The following CLSTN2 variants were observed in gnomAD, a reference collection of about 807,000 sequenced individuals.
The protein encoded by CLSTN2 is calsyntenin 2, also known as calsyntenin-2.
CLSTN2 carries 48 observed loss-of-function variants against 101.2 expected under a neutral mutation model. That is an observed-to-expected ratio of 0.47 (90% CI 0.38 to 0.60). The LOEUF (loss-of-function observed/expected upper bound fraction) is 0.60. CLSTN2 is among the 20% of genes least tolerant of loss of function. The pLI is 0.00. For missense variants in CLSTN2, 1,160 were observed against 1,238.2 expected, an observed-to-expected ratio of 0.94 and a Z score of 0.95; for synonymous variants, 481 against 463.6, an observed-to-expected ratio of 1.04 and a Z score of -0.48.
At chr3:140,422,789 TTC>T (rs1398307435) in intron 5 of CLSTN2, among the ~76,000 whole-genome samples, 1 of 152,188 alleles carries the variant, frequency 6.6e-6, no homozygotes, top group African/African-American at 2.4e-5. Flanking sequence ...GCAGACAGAA[TTC>T]TGTCTTGTTC....
At chr3:140,344,352 G>C (rs949840275) in intron 2 of CLSTN2, among the ~76,000 whole-genome samples, 1 of 152,214 alleles carries the variant, frequency 6.6e-6, no homozygotes, top group Admixed American at 6.5e-5. Context: ...CATTAAGCCT[G>C]TGCTCACGTC....
chr3:140,225,179 C>T (rs560576256), intron 2 of CLSTN2, among the ~76,000 whole-genome samples: 35 of 152,332 alleles, frequency 2.3e-4, no homozygotes, highest in African/African-American at 8.2e-4. Flanking sequence ...ACCCTTCCCC[C>T]ACCTGCTGCT....
chr3:140,432,201 C>T (rs1371933443), intron 5 of CLSTN2, among the ~76,000 whole-genome samples: 1 of 151,696 alleles, frequency 6.6e-6, no homozygotes, highest in East Asian at 2.0e-4. Context: ...CTCAGCTATG[C>T]CATAGCTCAC....
chr3:140,296,600 TTTGTAAGAATTCTTTATAAATTAA>T (rs1345529508), intron 2 of CLSTN2, among the ~76,000 whole-genome samples: 1 of 152,230 alleles, frequency 6.6e-6, no homozygotes, highest in African/African-American at 2.4e-5. Context: ...TTCTTACTGA[TTTGTAAGAATTCTTTATAAATTAA>T]TGATTCTGCC....
intron 1 of CLSTN2, among the ~76,000 whole-genome samples, chr3:139,973,183 G>A (rs1178068263): frequency 6.6e-6 from 1 of 152,202 alleles, no homozygotes; most frequent in East Asian, 1.9e-4. Flanking sequence ...GCTCTGGCAG[G>A]AGCGTGATCT....
chr3:140,310,212 A>G (rs1424389150), intron 2 of CLSTN2, among the ~76,000 whole-genome samples: 1 of 152,078 alleles, frequency 6.6e-6, no homozygotes, highest in East Asian at 1.9e-4. Flanking sequence ...ATTTTTATAA[A>G]CCATAAACCT....
intron 2 of CLSTN2, among the ~76,000 whole-genome samples, chr3:140,179,295 C>CT (rs1409577546): frequency 6.6e-6 from 1 of 150,922 alleles, no homozygotes; most frequent in Non-Finnish European, 1.5e-5. Context: ...AGTATATTTC[C>CT]TTCTTGTCAT....
chr3:140,532,536 GGAAGATACTTGTAGA>G, intron 9 of CLSTN2, 50 bp downstream of exon 9: 2 of 1,499,784 alleles, frequency 1.3e-6, no homozygotes, highest in Non-Finnish European at 1.8e-6. Context: ...AATAGTTCTT[GGAAGATACTTGTAGA>G]GAAAAAGGAA....
At chr3:140,018,023 G>A (rs903859616) in intron 1 of CLSTN2, among the ~76,000 whole-genome samples, 1 of 152,140 alleles carries the variant, frequency 6.6e-6, no homozygotes, top group Non-Finnish European at 1.5e-5. Context: ...TTCTAAAGAA[G>A]GAAGGAAGGA....
At chr3:140,190,760 G>C (rs772967118) in intron 2 of CLSTN2, among the ~76,000 whole-genome samples, 1 of 151,886 alleles carries the variant, frequency 6.6e-6, no homozygotes, top group Non-Finnish European at 1.5e-5. Context: ...TATGTGTATG[G>C]TGCTATGTTT....
chr3:140,565,970 C>G lies in CLSTN2; in HGVS notation c.2668-83C>G, dbSNP rs1377096358. 12 of 1,560,460 alleles carry G rather than the reference C, an allele frequency of 7.7e-6. No individual in the cohort carries two copies. The East Asian group carries it at 2.7e-4, about 36-fold the overall frequency. On this transcript the variant is annotated intron_variant, in intron 16 of 16. Coordinates refer to ENST00000458420, the MANE Select transcript of CLSTN2 (RefSeq NM_022131.3). ...AATTCCAAGGGGCCGTAAATGTTTC[C>G]TTAATGGATGGAGAGACATAAGCTC...
At chr3:139,952,100 C>A (rs564656497) in intron 1 of CLSTN2, among the ~76,000 whole-genome samples, 5 of 151,960 alleles carry the variant, frequency 3.3e-5, no homozygotes, top group Non-Finnish European at 7.4e-5. Flanking sequence ...ATGGTATAGC[C>A]CCTTAATAAG....
intron 1 of CLSTN2, among the ~76,000 whole-genome samples, chr3:140,006,731 T>A (rs2006966224): frequency 6.6e-6 from 1 of 152,186 alleles, no homozygotes; most frequent in East Asian, 1.9e-4. Flanking sequence ...ATTAAAACAT[T>A]CCTCACTACG....
At position 140,372,661 on chromosome 3, in the gene CLSTN2, A is replaced by G. The variant is rs539611137; in HGVS notation, c.233-30968A>G. ...AACATGGAGCTGGCAAAATGGTGAG[A>G]TGGCCATTTGACCATCTATCTTAAG... On this transcript the variant is annotated intron_variant, in intron 2 of 16. Coordinates refer to ENST00000458420, the MANE Select transcript of CLSTN2 (RefSeq NM_022131.3). 3.9e-5 allele frequency among the ~76,000 whole-genome samples: 6 copies of G among 152,322 alleles called. No homozygotes were observed. The South Asian group carries it at 8.3e-4, about 21-fold the overall frequency.
At chr3:140,418,517 C>CTTTTTTT (rs35463586) in intron 4 of CLSTN2, among the ~76,000 whole-genome samples, 1 of 41,302 alleles carries the variant, frequency 2.4e-5, no homozygotes, top group African/African-American at 4.2e-4. Context: ...TTCTTTCTTT[C>CTTTTTTT]TTTTTTTTTT....
At chr3:140,371,271 A>G (rs141405754) in intron 2 of CLSTN2, among the ~76,000 whole-genome samples, 2 of 151,838 alleles carry the variant, frequency 1.3e-5, no homozygotes, top group Non-Finnish European at 2.9e-5. Flanking sequence ...GCCTTTGAAG[A>G]TAAGGGGTAG....
chr3:140,551,726 C>G (rs1276186308), intron 10 of CLSTN2, among the ~76,000 whole-genome samples: 1 of 151,566 alleles, frequency 6.6e-6, no homozygotes, highest in African/African-American at 2.4e-5. Flanking sequence ...GCCCGAATCT[C>G]TTGTGTATAA....
At chr3:140,544,531 C>T (rs1935548097) in intron 9 of CLSTN2, among the ~76,000 whole-genome samples, 1 of 152,076 alleles carries the variant, frequency 6.6e-6, no homozygotes, top group African/African-American at 2.4e-5. Context: ...GGGATGTGAC[C>T]CAGCACCAGG....
At chr3:140,168,585 T>A (rs1054663545) in intron 1 of CLSTN2, among the ~76,000 whole-genome samples, 1 of 152,082 alleles carries the variant, frequency 6.6e-6, no homozygotes, top group Non-Finnish European at 1.5e-5. Context: ...CCAAGGACAC[T>A]AAGATTTTCT....
Sources: gnomAD v4.1 joint callset for allele counts (sites outside exome capture counted in the v4.1 genomes callset) on GRCh38, gnomAD v4.1.1 for gene constraint, MANE v1.5 for transcripts, NCBI Gene and HGNC (gene_info 2026-07-23, HGNC 2026-07-21) for gene names.